CDKAL1: variants seen among roughly 807,000 people sequenced by gnomAD.
CDKAL1 encodes the protein threonylcarbamoyladenosine tRNA methylthiotransferase.
Under a neutral mutation model 68.2 loss-of-function variants are expected in CDKAL1, and 32 were observed. The observed-to-expected ratio is 0.47, with a 90% CI of 0.35 to 0.63. The LOEUF (loss-of-function observed/expected upper bound fraction) is 0.63, where lower values mean the gene tolerates loss of function less well. Ranked by LOEUF, CDKAL1 falls within the 30% of genes least tolerant of loss-of-function variation. The probability of loss-of-function intolerance (pLI) is 0.00; values close to 1 mark genes in which losing one functional copy is unlikely to be tolerated. For synonymous variants in CDKAL1, 234 were observed against 244.3 expected (o/e 0.96, Z 0.39); for missense variants, 606 against 696.7 (o/e 0.87, Z 1.47).
At chr6:20,687,869 T>C (rs560835245) in intron 5 of CDKAL1, among the ~76,000 whole-genome samples, 4 of 150,680 alleles carry the variant, frequency 2.7e-5, no homozygotes, top group Non-Finnish European at 4.4e-5. Flanking sequence ...ATTTTTATCC[T>C]ATGTAAAGGA....
chr6:20,986,774 G>T (rs1391317134), intron 10 of CDKAL1, among the ~76,000 whole-genome samples: 1 of 152,054 alleles, frequency 6.6e-6, no homozygotes, highest in Admixed American at 6.6e-5. Flanking sequence ...AACTGATATG[G>T]CAGGTCACTA....
chr6:20,781,065 T>TG lies in CDKAL1; in HGVS notation c.518-79dup, dbSNP rs1775404474. ...CCCCTGCTCCCGAAAAGAAGTTAAA[T>TG]GAACACATTTGTTGAAAGCGTTAAG... On this transcript the variant is annotated intron_variant, in intron 7 of 15. Coordinates refer to ENST00000274695, the MANE Select transcript of CDKAL1 (RefSeq NM_017774.3). 1.4e-5 allele frequency: 20 copies of TG among 1,383,662 alleles called. No individual in the cohort carries two copies. The South Asian group carries it at 2.7e-4, about 19-fold the overall frequency. 85.7% of individuals were successfully genotyped at this position (1,383,662 alleles called of 1,614,324 possible).
intron 11 of CDKAL1, among the ~76,000 whole-genome samples, chr6:21,029,689 A>G (rs1244623192): frequency 5.9e-5 from 9 of 152,226 alleles, no homozygotes; most frequent in Admixed American, 5.9e-4. Context: ...ACACTTCTCA[A>G]AAGAGGACAT....
chr6:20,842,337 C>T (rs1450597144), intron 8 of CDKAL1, among the ~76,000 whole-genome samples: 3 of 152,058 alleles, frequency 2.0e-5, no homozygotes, highest in Non-Finnish European at 4.4e-5. Context: ...ACTGTTATAG[C>T]AAGTTTAAAG....
chr6:21,170,600 T>G (rs1185037997), intron 13 of CDKAL1, among the ~76,000 whole-genome samples: 1 of 152,192 alleles, frequency 6.6e-6, no homozygotes, highest in Non-Finnish European at 1.5e-5. Flanking sequence ...AGTGCTGGGA[T>G]TACAGGCGTG....
intron 11 of CDKAL1, among the ~76,000 whole-genome samples, chr6:21,005,092 G>T (rs901651058): frequency 3.9e-5 from 6 of 152,106 alleles, no homozygotes; most frequent in Non-Finnish European, 5.9e-5. Context: ...TATAAAACAT[G>T]AATGATTCTT....
At chr6:21,119,946 G>T (rs553417298) in intron 13 of CDKAL1, among the ~76,000 whole-genome samples, 1 of 152,136 alleles carries the variant, frequency 6.6e-6, no homozygotes, top group Non-Finnish European at 1.5e-5. Flanking sequence ...CTCCTCTGTT[G>T]TTCAGGGAAG....
intron 5 of CDKAL1, among the ~76,000 whole-genome samples, chr6:20,673,928 A>G (rs1769969033): frequency 6.6e-6 from 1 of 152,224 alleles, no homozygotes; most frequent in Non-Finnish European, 1.5e-5. Flanking sequence ...CACGATGGAT[A>G]CAGATACCTT....
At chr6:20,993,820 A>C (rs943461057) in intron 10 of CDKAL1, among the ~76,000 whole-genome samples, 1 of 152,250 alleles carries the variant, frequency 6.6e-6, no homozygotes, top group Admixed American at 6.5e-5. Flanking sequence ...ATTCCATGGA[A>C]TAGTACCAGA....
chr6:21,117,741 A>G (rs1774489740), intron 13 of CDKAL1, among the ~76,000 whole-genome samples: 1 of 152,192 alleles, frequency 6.6e-6, no homozygotes, highest in South Asian at 2.1e-4. Context: ...CACTTGGGCA[A>G]ATTGAGGCTC....
chr6:20,595,349 CT>C (rs1765775723), intron 4 of CDKAL1, among the ~76,000 whole-genome samples: 1 of 152,096 alleles, frequency 6.6e-6, no homozygotes, highest in African/African-American at 2.4e-5. Flanking sequence ...TCCCATAGTT[CT>C]TGGAGGCCTT....
chr6:20,956,596 C>A (rs1764788148), intron 10 of CDKAL1, among the ~76,000 whole-genome samples: 1 of 152,048 alleles, frequency 6.6e-6, no homozygotes, highest in African/African-American at 2.4e-5. Context: ...AGAAAAATAA[C>A]ATCCCAAAAA....
chr6:20,968,832 T>C (rs1166082457), intron 10 of CDKAL1, among the ~76,000 whole-genome samples: 5 of 152,092 alleles, frequency 3.3e-5, no homozygotes, highest in Non-Finnish European at 5.9e-5. Context: ...TCTTGGGACA[T>C]GGTTTTCTTT....
chr6:20,809,041 T>C (rs1000773651), intron 8 of CDKAL1, among the ~76,000 whole-genome samples: 14 of 152,234 alleles, frequency 9.2e-5, no homozygotes, highest in Admixed American at 3.9e-4. Flanking sequence ...TTTGGCTCTA[T>C]TAATATTGCT....
At position 20,816,925 on chromosome 6, in the gene CDKAL1, C is replaced by G. The variant is rs186515317; in HGVS notation, c.639-29150C>G. On this transcript the variant is annotated intron_variant, in intron 8 of 15. Coordinates refer to ENST00000274695, the MANE Select transcript of CDKAL1 (RefSeq NM_017774.3). Reference sequence around the variant, plus strand: ...TATTGTGGCTGTGTTTAATTTAACACTTAGATTAGTTTCAGATTTTCACTA... The same window carrying G: ...TATTGTGGCTGTGTTTAATTTAACAGTTAGATTAGTTTCAGATTTTCACTA... 1.9e-3 allele frequency among the ~76,000 whole-genome samples: 294 copies of G among 152,202 alleles called. 1 individual carries two copies. Among genetic ancestry groups the G allele is most frequent in the African/African-American group, 6.5e-3 (271 of 41,542 alleles).
At chr6:20,606,353 A>G (rs1766333043) in intron 4 of CDKAL1, among the ~76,000 whole-genome samples, 1 of 152,172 alleles carries the variant, frequency 6.6e-6, no homozygotes, top group African/African-American at 2.4e-5. Flanking sequence ...TGTTTTATTG[A>G]AGATTTGTTT....
chr6:21,048,805 T>C (rs1048286416), intron 11 of CDKAL1, among the ~76,000 whole-genome samples: 43 of 152,166 alleles, frequency 2.8e-4, no homozygotes, highest in African/African-American at 9.6e-4. Context: ...GGTTTCAGTC[T>C]CTAAGTGGTT....
At chr6:20,545,369 A>ATAATGAACATGAACC in intron 2 of CDKAL1, among the ~76,000 whole-genome samples, 1 of 152,228 alleles carries the variant, frequency 6.6e-6, no homozygotes, top group Non-Finnish European at 1.5e-5. Flanking sequence ...GTCGTATAGG[A>ATAATGAACATGAACC]TAATGAACAT....
At chr6:20,745,992 G>A (rs895230692) in intron 6 of CDKAL1, among the ~76,000 whole-genome samples, 1 of 152,114 alleles carries the variant, frequency 6.6e-6, no homozygotes, top group African/African-American at 2.4e-5. Context: ...GGAGTATTCT[G>A]ATGTCCCAAA....
Sources: allele counts gnomAD v4.1 joint callset (sites outside exome capture counted in the v4.1 genomes callset), GRCh38; gene constraint gnomAD v4.1.1; transcripts MANE v1.5; gene names NCBI Gene and HGNC (gene_info 2026-07-23, HGNC 2026-07-21).